The following RPAP2 variants were observed in gnomAD, a reference collection of about 807,000 sequenced individuals.
RPAP2 encodes the protein RNA polymerase II associated protein 2.
RPAP2 carries 52 observed loss-of-function variants against 73.1 expected under a neutral mutation model. That is an observed-to-expected ratio of 0.71 (90% CI 0.57 to 0.90). RPAP2 has a LOEUF of 0.90. RPAP2 is among the 40% of genes least tolerant of loss of function. The pLI is 0.00. For missense variants in RPAP2, 598 were observed against 701.8 expected (o/e 0.85, Z 1.67); for synonymous variants, 225 against 242.1 (o/e 0.93, Z 0.65).
intron 11 of RPAP2, among the ~76,000 whole-genome samples, chr1:92,369,976 C>T (rs1381950623): frequency 6.6e-6 from 1 of 152,172 alleles, no homozygotes; most frequent in Non-Finnish European, 1.5e-5. Flanking sequence ...CCCCCACCTC[C>T]AGGGTTCAAG....
intron 10 of RPAP2, among the ~76,000 whole-genome samples, chr1:92,344,515 T>C (rs923321995): frequency 3.3e-5 from 5 of 152,242 alleles, no homozygotes; most frequent in African/African-American, 7.2e-5. Context: ...TTTATAAATA[T>C]GCCACAGTTT....
intron 10 of RPAP2, among the ~76,000 whole-genome samples, chr1:92,344,424 G>C (rs909084040): frequency 6.6e-6 from 1 of 152,048 alleles, no homozygotes; most frequent in Non-Finnish European, 1.5e-5. Flanking sequence ...AATGCTATAC[G>C]ATGTTTGCTT....
chr1:92,338,289 CT>C (rs1653390288), intron 10 of RPAP2, among the ~76,000 whole-genome samples: 1 of 152,180 alleles, frequency 6.6e-6, no homozygotes, highest in Admixed American at 6.5e-5. Flanking sequence ...TTATTGATCA[CT>C]CACAAGTTCA....
intron 12 of RPAP2, among the ~76,000 whole-genome samples, chr1:92,381,597 T>TC (rs946234312): frequency 8.6e-5 from 13 of 151,006 alleles, no homozygotes; most frequent in African/African-American, 2.9e-4. Context: ...TCTTTTTTTT[T>TC]TTTTTTTAAC....
chr1:92,339,530 C>G lies in RPAP2; in HGVS notation c.1619+3103C>G, dbSNP rs181829716. Among the ~76,000 whole-genome samples the G allele has an allele frequency of 2.6e-5, 4 of 152,190 alleles. No homozygotes were observed. In the East Asian group the frequency reaches 7.7e-4, roughly 29 times the overall value. On this transcript the variant is annotated intron_variant, in intron 10 of 12. Transcript: ENST00000610020. ...CCTTCCCAGTCCCTTGGTTTTCCTGCCTGCTCCCTTCTGGCAGCCAGTCAA... is the reference window on the plus strand; with the variant it reads ...CCTTCCCAGTCCCTTGGTTTTCCTGGCTGCTCCCTTCTGGCAGCCAGTCAA...
intron 12 of RPAP2, among the ~76,000 whole-genome samples, chr1:92,385,278 C>T (rs1346163127): frequency 6.6e-6 from 1 of 151,952 alleles, no homozygotes; most frequent in Non-Finnish European, 1.5e-5. Flanking sequence ...AATTAAAAAT[C>T]ATTTTAACTA....
At position 92,323,819 on chromosome 1, in the gene RPAP2, C is replaced by A. The variant is rs750613512; in HGVS notation, c.899C>A (p.Ser300Tyr). The change falls in exon 8 of 13, where the codon TCT becomes TAT. Residue 300 changes from serine to tyrosine, a missense_variant. By Grantham distance (144) the Ser-to-Tyr change is moderately radical. Coordinates refer to ENST00000610020, the MANE Select transcript of RPAP2 (RefSeq NM_024813.3). ...LPLQKVNTQSSSNSTLPERLK... is the reference protein window; with the variant it reads ...LPLQKVNTQSYSNSTLPERLK... ...TTACAGAAAGTAAATACTCAGAGTT[C>A]TTCAAATAGCACTTTGCCTGAAAGA... The A allele has an allele frequency of 8.1e-6, 13 of 1,613,906 alleles. No homozygotes were observed. In the East Asian group the frequency reaches 2.7e-4, roughly 33 times the overall value.
chr1:92,363,148 T>C (rs536925796), intron 11 of RPAP2, among the ~76,000 whole-genome samples: 1 of 152,296 alleles, frequency 6.6e-6, no homozygotes, highest in Admixed American at 6.5e-5. Flanking sequence ...CAAGTTAAGA[T>C]AAGGAAGTGG....
intron 11 of RPAP2, among the ~76,000 whole-genome samples, chr1:92,350,114 C>G (rs181439679): frequency 6.6e-6 from 1 of 152,208 alleles, no homozygotes; most frequent in East Asian, 1.9e-4. Context: ...CTCACTGATT[C>G]CATGGGACTT....
chr1:92,360,637 T>C (rs1654687199), intron 11 of RPAP2, among the ~76,000 whole-genome samples: 1 of 152,144 alleles, frequency 6.6e-6, no homozygotes, highest in African/African-American at 2.4e-5. Flanking sequence ...TTTGCCTCTT[T>C]TTCTTTCCTA....
intron 11 of RPAP2, 131 bp from the exon 12 acceptor site, chr1:92,380,591 TTC>T: frequency 1.9e-6 from 1 of 524,842 alleles, no homozygotes; most frequent in Non-Finnish European, 3.2e-6. Flanking sequence ...TAGTAAAGCC[TTC>T]TCTCTGGGAG....
intron 11 of RPAP2, among the ~76,000 whole-genome samples, chr1:92,366,839 A>ATT (rs1654955430): frequency 1.3e-5 from 2 of 152,242 alleles, no homozygotes; most frequent in South Asian, 4.2e-4. Context: ...AATAGGTGAC[A>ATT]TTTTGACCCT....
At chr1:92,330,915 A>G (rs192452528) in intron 8 of RPAP2, among the ~76,000 whole-genome samples, 21 of 152,204 alleles carry the variant, frequency 1.4e-4, no homozygotes, top group African/African-American at 4.8e-4. Flanking sequence ...CCCACCCCAT[A>G]TTTACTGAAT....
chr1:92,303,996 C>G lies in RPAP2; in HGVS notation c.254C>G (p.Ala85Gly). The change falls in exon 4 of 13, where the codon GCT becomes GGT. Residue 85 changes from alanine (A) to glycine (G), a missense_variant. Coordinates refer to ENST00000610020, the MANE Select transcript of RPAP2 (RefSeq NM_024813.3). ...TTTTAGGGGAGGTTCATTACACCTGCTCACTACAGTGATGTCGTGGATGAA... is the reference window on the plus strand; with the variant it reads ...TTTTAGGGGAGGTTCATTACACCTGGTCACTACAGTGATGTCGTGGATGAA... ...LMECGRFITP[A>G]HYSDVVDERS... 6.2e-7 allele frequency: 1 copy of G among 1,610,584 alleles called. No individual in the cohort carries two copies.
chr1:92,310,125 T>C (rs1268832989), intron 6 of RPAP2, among the ~76,000 whole-genome samples: 1 of 152,242 alleles, frequency 6.6e-6, no homozygotes, highest in African/African-American at 2.4e-5. Flanking sequence ...TATATATGCA[T>C]CTGCCTCATT....
chr1:92,378,963 T>C (rs1655503162), intron 11 of RPAP2, among the ~76,000 whole-genome samples: 1 of 152,252 alleles, frequency 6.6e-6, no homozygotes, highest in Non-Finnish European at 1.5e-5. Flanking sequence ...GTTAGAATTC[T>C]ATGGATTTCA....
chr1:92,377,777 G>C (rs1655452294), intron 11 of RPAP2, among the ~76,000 whole-genome samples: 1 of 152,094 alleles, frequency 6.6e-6, no homozygotes, highest in Non-Finnish European at 1.5e-5. Context: ...GTGTTTGTTT[G>C]TTTCCTCCTA....
chr1:92,377,172 G>C (rs1031804738), intron 11 of RPAP2, among the ~76,000 whole-genome samples: 2 of 152,104 alleles, frequency 1.3e-5, no homozygotes, highest in Non-Finnish European at 2.9e-5. Flanking sequence ...CTAAGGCTTT[G>C]AGGTGCAACT....
rs535177884 is a variant in RPAP2 at position 92,389,871 on chromosome 1, G to A, written c.*2860G>A. 6.6e-6 allele frequency: 1 copy of A among 152,270 alleles called. No homozygotes were observed. The highest frequency in any genetic ancestry group is 1.5e-5 in the Non-Finnish European group (1 of 68,024). 9.4% of individuals were successfully genotyped at this position (152,270 alleles called of 1,614,324 possible). On this transcript the variant is annotated 3_prime_UTR_variant, in exon 13 of 13. Coordinates refer to ENST00000610020, the MANE Select transcript of RPAP2 (RefSeq NM_024813.3). The stretch of plus-strand genomic sequence containing the variant: ...AAAAGAGTGAAAAGAAATGAACAAA[G>A]CCTCCAAGAAATATGAGACTATGTG...
Sources: allele counts gnomAD v4.1 joint callset (sites outside exome capture counted in the v4.1 genomes callset), GRCh38; gene constraint gnomAD v4.1.1; transcripts MANE v1.5; gene names NCBI Gene and HGNC (gene_info 2026-07-23, HGNC 2026-07-21).